The following ASB2 variants were observed in gnomAD, a reference collection of about 807,000 sequenced individuals.
ASB2 encodes the protein ankyrin repeat and SOCS box protein 2.
A neutral mutation model predicts 62.4 loss-of-function variants in ASB2; 58 were observed. That is an observed-to-expected ratio of 0.93 (90% confidence interval 0.75 to 1.16). ASB2 has a LOEUF of 1.16. Among genes scored for constraint, ASB2 ranks in the 50% most tolerant of loss-of-function variants. ASB2 has a pLI of 0.00. For missense variants in ASB2, 928 were observed against 887.9 expected (o/e 1.05, Z -0.57); for synonymous variants, 386 against 385.3 (o/e 1.00, Z -0.02).
intron 7 of ASB2, among the ~76,000 whole-genome samples, chr14:93,946,429 A>T (rs1032152396): frequency 4.8e-4 from 73 of 151,750 alleles, no homozygotes; most frequent in African/African-American, 1.7e-3. Context: ...AAACTGGCTC[A>T]AGCAAGGGCA....
At chr14:93,957,254 C>T (rs1889259892) in intron 2 of ASB2, 7 of 1,177,670 alleles carry the variant, frequency 5.9e-6, no homozygotes, top group Non-Finnish European at 6.3e-6. Flanking sequence ...GGCTCAGGCT[C>T]ACTGCTGGCC....
Position 93,953,484 on chromosome 14 carries a change from G to T in ASB2, c.502C>A (p.Arg168Ser). 1 of 1,597,818 alleles carries T rather than the reference G, an allele frequency of 6.3e-7. No homozygotes were observed. Among genetic ancestry groups the T allele is most frequent in the Non-Finnish European group, 8.6e-7 (1 of 1,167,690 alleles). Reference sequence around the variant, plus strand: ...ACGGCTGTTTCCTCCTGCAGGGTGCGCTGGTCGATGGTCCCTGGGTACGCT... The same window carrying T: ...ACGGCTGTTTCCTCCTGCAGGGTGCTCTGGTCGATGGTCCCTGGGTACGCT... ...QRAYPGTIDQ[R>S]TLQEETAVYL... The change falls in exon 5 of 10, where the codon CGC becomes AGC. Residue 168 changes from arginine (R) to serine (S), a missense_variant. Arg to Ser is a moderately radical substitution (Grantham distance 110). Coordinates refer to ENST00000555019, the MANE Select transcript of ASB2 (RefSeq NM_001202429.2).
At chr14:93,951,543 G>A (rs1395116284) in intron 5 of ASB2, among the ~76,000 whole-genome samples, 2 of 152,210 alleles carry the variant, frequency 1.3e-5, no homozygotes, top group Non-Finnish European at 2.9e-5. Flanking sequence ...CTTAAAGGAT[G>A]TAGTGATGTT....
At chr14:93,942,958 G>A (rs1444530251) in intron 7 of ASB2, among the ~76,000 whole-genome samples, 3 of 152,296 alleles carry the variant, frequency 2.0e-5, no homozygotes, top group South Asian at 2.1e-4. Context: ...TCATAATTGT[G>A]CTAATATTGC....
chr14:93,942,669 C>T (rs906138934), intron 7 of ASB2, among the ~76,000 whole-genome samples: 6 of 152,326 alleles, frequency 3.9e-5, no homozygotes, highest in South Asian at 4.1e-4. Flanking sequence ...TTTGAGCCAA[C>T]GCAAGCTGTC....
At chr14:93,955,318 C>T (rs1422816046) in intron 3 of ASB2, 4 of 365,074 alleles carry the variant, frequency 1.1e-5, no homozygotes, top group East Asian at 7.3e-5. Flanking sequence ...CCACTTCCTC[C>T]AGCGTGAGCA....
rs1017075115 is a variant in ASB2 at position 93,937,610 on chromosome 14, G to T, written c.1771+88C>A. 7.4e-6 allele frequency: 10 copies of T among 1,343,570 alleles called. No homozygotes were observed. The Admixed American group carries it at 2.2e-4, about 29-fold the overall frequency. 83.2% of individuals were successfully genotyped at this position (1,343,570 alleles called of 1,614,324 possible). On this transcript the variant is annotated intron_variant, in intron 9 of 9. Coordinates refer to ENST00000555019, the MANE Select transcript of ASB2 (RefSeq NM_001202429.2). ...CCTGGCAAGCAGCAGGTGCTCACAG[G>T]GTTAGGAACAGTCGCACTCCCTGAG...
chr14:93,956,855 A>G lies in ASB2; in HGVS notation c.222T>C (p.Pro74=). The change falls in exon 3 of 10, where the codon CCT becomes CCC. Residue 74 remains proline (P), a synonymous_variant. Transcript: ENST00000555019. Reference sequence around the variant, plus strand: ...TTGGGGCCCGGGCCGGCGAACTCTCAGGAGGTGCAGTGGACCTGGAGGGTG... The same window carrying G: ...TTGGGGCCCGGGCCGGCGAACTCTCGGGAGGTGCAGTGGACCTGGAGGGTG... The part of the protein sequence containing the change: ...FYPWTRSTAP[P]ESSPARAPMG... The G allele has an allele frequency of 6.2e-7, 1 of 1,614,180 alleles. No homozygotes were observed. The highest frequency in any genetic ancestry group is 8.5e-7 in the Non-Finnish European group (1 of 1,180,016).
rs566740867 is a variant in ASB2 at position 93,971,867 on chromosome 14, A to G, written c.-74+4567T>C. ...TAGCAACCACCGGATGTTTTTCAAG[A>G]TTTGAGTGAAGGCCAGAATCAAACT... On this transcript the variant is annotated intron_variant, in intron 1 of 9. Coordinates refer to ENST00000555019, the MANE Select transcript of ASB2 (RefSeq NM_001202429.2). Among the ~76,000 whole-genome samples, 11 of 152,104 alleles carry G rather than the reference A, an allele frequency of 7.2e-5. No individual in the cohort carries two copies. The South Asian group carries it at 2.1e-3, about 29-fold the overall frequency.
intron 7 of ASB2, among the ~76,000 whole-genome samples, chr14:93,943,556 A>C (rs1432635781): frequency 6.6e-6 from 1 of 152,222 alleles, no homozygotes; most frequent in Non-Finnish European, 1.5e-5. Flanking sequence ...AGGAAGGAGA[A>C]TCACTTGAAC....
chr14:93,965,573 A>T (rs1427315987), intron 1 of ASB2, among the ~76,000 whole-genome samples: 1 of 152,228 alleles, frequency 6.6e-6, no homozygotes, highest in African/African-American at 2.4e-5. Flanking sequence ...AGTGGAATCA[A>T]CTAAGCTTGA....
At chr14:93,955,949 C>G (rs1282842296) in intron 3 of ASB2, among the ~76,000 whole-genome samples, 1 of 152,162 alleles carries the variant, frequency 6.6e-6, no homozygotes, top group Non-Finnish European at 1.5e-5. Context: ...TCTCCCTTTT[C>G]CAGATTGTCA....
chr14:93,970,939 G>A (rs1041965041), intron 1 of ASB2, among the ~76,000 whole-genome samples: 10 of 152,316 alleles, frequency 6.6e-5, no homozygotes, highest in Admixed American at 3.3e-4. Context: ...CTAAAAATCT[G>A]CTCGTGTTAT....
At chr14:93,960,707 G>T (rs1482228842) in intron 2 of ASB2, among the ~76,000 whole-genome samples, 1 of 152,124 alleles carries the variant, frequency 6.6e-6, no homozygotes, top group East Asian at 1.9e-4. Flanking sequence ...ATCAAATTCT[G>T]TGCCTTACGT....
At chr14:93,956,562 G>T (rs769590990) in intron 3 of ASB2, among the ~76,000 whole-genome samples, 2 of 152,220 alleles carry the variant, frequency 1.3e-5, no homozygotes, top group Non-Finnish European at 2.9e-5. Flanking sequence ...AGTTCCTTGA[G>T]GACTGAAGTC....
At chr14:93,974,952 G>A (rs946493913) in intron 1 of ASB2, among the ~76,000 whole-genome samples, 1 of 152,240 alleles carries the variant, frequency 6.6e-6, no homozygotes, top group Non-Finnish European at 1.5e-5. Flanking sequence ...GCCTGTTTGT[G>A]CAAGAACAGA....
intron 5 of ASB2, 77 bp from the exon 6 acceptor site, chr14:93,951,321 G>T: frequency 6.7e-7 from 1 of 1,490,902 alleles, no homozygotes; most frequent in Non-Finnish European, 9.0e-7. Context: ...TCATTCGCCT[G>T]TCCATTCACT....
Position 93,964,426 on chromosome 14 carries a change from G to A in ASB2, c.114C>T (p.Ser38=). The change falls in exon 2 of 10, where the codon AGC becomes AGT. Residue 38 remains serine, a synonymous_variant. Transcript: ENST00000555019. ...DELVQMAIEQ[S]LADKTRGPTT... ...TTGGGCCCCTTGTCTTGTCCGCTAG[G>A]CTCTGCTCGATGGCCATCTGCACCA... 1 of 1,536,060 alleles carries A rather than the reference G, an allele frequency of 6.5e-7. No individual in the cohort carries two copies. The highest frequency in any genetic ancestry group is 1.2e-5 in the South Asian group (1 of 84,052).
In ASB2 at chr14:93,934,540, G is replaced by C; in HGVS notation, c.*116C>G. The C allele has an allele frequency of 9.5e-7, 1 of 1,048,704 alleles. No individual in the cohort carries two copies. Among genetic ancestry groups the C allele is most frequent in the South Asian group, 1.5e-5 (1 of 68,726 alleles). 65.0% of individuals were successfully genotyped at this position (1,048,704 alleles called of 1,614,324 possible). ...ATCCTGGTAGCTGTCCAGGCTGAGAGGGAGGCAGCCTGCAGCCTCGTCTGT... is the reference window on the plus strand; with the variant it reads ...ATCCTGGTAGCTGTCCAGGCTGAGACGGAGGCAGCCTGCAGCCTCGTCTGT... On this transcript the variant is annotated 3_prime_UTR_variant, in exon 10 of 10. Coordinates refer to ENST00000555019, the MANE Select transcript of ASB2 (RefSeq NM_001202429.2).
Sources: gnomAD v4.1 joint callset for allele counts (sites outside exome capture counted in the v4.1 genomes callset) on GRCh38, gnomAD v4.1.1 for gene constraint, MANE v1.5 for transcripts, NCBI Gene and HGNC (gene_info 2026-07-23, HGNC 2026-07-21) for gene names.